Variants in SLC6A20 observed in about 807,000 individuals in gnomAD.
SLC6A20 encodes solute carrier family 6 member 20.
SLC6A20 carries 73 observed loss-of-function variants against 64.3 expected under a neutral mutation model. That is an observed-to-expected ratio of 1.14 (90% CI 0.94 to 1.38). SLC6A20 has a LOEUF of 1.38. SLC6A20 is among the 40% of genes most tolerant of loss of function. SLC6A20 has a pLI of 0.00. For synonymous variants in SLC6A20, 347 were observed against 329.6 expected (o/e 1.05, Z -0.57); for missense variants, 725 against 772.8 (o/e 0.94, Z 0.73).
chr3:45,782,650 TCC>T (rs1700115418), intron 1 of SLC6A20, among the ~76,000 whole-genome samples: 2 of 151,060 alleles, frequency 1.3e-5, no homozygotes, highest in Non-Finnish European at 3.0e-5. Flanking sequence ...CATCCATCCA[TCC>T]ATCCATCCAA....
chr3:45,792,994 G>A lies in SLC6A20; in HGVS notation c.121+3305C>T, dbSNP rs141321149. Among the ~76,000 whole-genome samples the A allele has an allele frequency of 1.5e-3, 223 of 152,328 alleles. 2 individuals are homozygous for A. The highest frequency in any genetic ancestry group is 4.7e-3 in the African/African-American group (194 of 41,568). On this transcript the variant is annotated intron_variant, in intron 1 of 10. Transcript: ENST00000358525. ...AAGAATCCTGTCCTCCCCCACAGGC[G>A]TCTGGATCAGAATCCCTGGAAGTGG...
chr3:45,780,716 G>C (rs1700068143), intron 2 of SLC6A20, among the ~76,000 whole-genome samples: 1 of 109,518 alleles, frequency 9.1e-6, no homozygotes. Flanking sequence ...CAGGGCTCTG[G>C]GGCTGGCCCA....
chr3:45,794,593 C>A (rs185355381), intron 1 of SLC6A20, among the ~76,000 whole-genome samples: 1 of 152,142 alleles, frequency 6.6e-6, no homozygotes, highest in Non-Finnish European at 1.5e-5. Flanking sequence ...CCCTAGCAAC[C>A]CCTTGATACA....
chr3:45,782,174 C>A lies in SLC6A20; in HGVS notation c.171G>T (p.Pro57=), dbSNP rs143569697. Residue 57 remains proline, a synonymous_variant, in exon 2 of 11, where the codon CCG becomes CCT. Coordinates refer to ENST00000358525, the MANE Select transcript of SLC6A20 (RefSeq NM_020208.4). The stretch of plus-strand genomic sequence containing the variant: ...CCACAGCCAGTTCCAGGTACAAGAG[C>A]GGCATTCCCTCCACGATAAGCATGA... ...YIIMLIVEGM[P]LLYLELAVGQ... is the part of the protein sequence containing the mutation. 1.2e-6 allele frequency: 2 copies of A among 1,613,818 alleles called. No homozygotes were observed. Among genetic ancestry groups the A allele is most frequent in the Non-Finnish European group, 1.7e-6 (2 of 1,179,880 alleles).
intron 9 of SLC6A20, among the ~76,000 whole-genome samples, chr3:45,760,223 A>G (rs1188207719): frequency 1.3e-5 from 2 of 152,224 alleles, no homozygotes; most frequent in Non-Finnish European, 2.9e-5. Flanking sequence ...GAGGCTGCCC[A>G]GAAGGGATGA....
chr3:45,774,872 GC>G (rs1262904179), intron 4 of SLC6A20, among the ~76,000 whole-genome samples: 1 of 152,196 alleles, frequency 6.6e-6, no homozygotes, highest in Admixed American at 6.5e-5. Context: ...GTGCCCTTGG[GC>G]AGGTCAATTT....
At chr3:45,791,920 C>T (rs1230767910) in intron 1 of SLC6A20, among the ~76,000 whole-genome samples, 1 of 152,206 alleles carries the variant, frequency 6.6e-6, no homozygotes, top group Non-Finnish European at 1.5e-5. Flanking sequence ...GGACCAAACT[C>T]ATATCAGATG....
intron 3 of SLC6A20, among the ~76,000 whole-genome samples, chr3:45,777,011 A>G (rs1007546501): frequency 1.3e-5 from 2 of 152,118 alleles, no homozygotes; most frequent in Non-Finnish European, 2.9e-5. Flanking sequence ...GGAGGGGAGG[A>G]AAAGTTACTT....
intron 1 of SLC6A20, among the ~76,000 whole-genome samples, chr3:45,782,525 C>T (rs777327771): frequency 6.6e-6 from 1 of 151,992 alleles, no homozygotes; most frequent in Non-Finnish European, 1.5e-5. Flanking sequence ...TCTATCTTTC[C>T]ATCCTTCCAT....
rs1699562584 is a variant in SLC6A20, at chr3:45,757,280, C to T, written c.*1698G>A. The T allele has an allele frequency of 6.6e-6, 1 of 151,840 alleles. No individual in the cohort carries two copies. Among genetic ancestry groups the T allele is most frequent in the Non-Finnish European group, 1.5e-5 (1 of 68,040 alleles). The allele number at this position is 151,840 out of a possible 1,614,324, so 9.4% of individuals were successfully genotyped here. A position where few individuals can be genotyped will look rare whatever the true frequency, so the allele number is the denominator to read the frequency against. On this transcript the variant is annotated 3_prime_UTR_variant, in exon 11 of 11. Transcript: ENST00000358525. ...ACTGCAAAGAGGCCTCCCTCCTTCACTATTCCTCCTCAGCACCGACCCTTT... is the reference window on the plus strand; with the variant it reads ...ACTGCAAAGAGGCCTCCCTCCTTCATTATTCCTCCTCAGCACCGACCCTTT...
chr3:45,779,878 C>T, intron 3 of SLC6A20, 131 bp downstream of exon 3: 1 of 970,808 alleles, frequency 1.0e-6, no homozygotes, highest in Non-Finnish European at 1.5e-6. Flanking sequence ...CCCTCCACCT[C>T]ACACCACCCA....
chr3:45,795,525 C>T (rs965190771), intron 1 of SLC6A20, among the ~76,000 whole-genome samples: 2 of 152,070 alleles, frequency 1.3e-5, no homozygotes, highest in African/African-American at 4.8e-5. Context: ...ATTCTAGAAA[C>T]GAGACAACCG....
chr3:45,767,099 G>A (rs1699790166), intron 7 of SLC6A20, among the ~76,000 whole-genome samples: 1 of 152,144 alleles, frequency 6.6e-6, no homozygotes, highest in South Asian at 2.1e-4. Context: ...GTTGCTCAGG[G>A]GCATACTGAA....
intron 4 of SLC6A20, among the ~76,000 whole-genome samples, chr3:45,773,052 A>G (rs182302620): frequency 4.6e-5 from 7 of 152,344 alleles, no homozygotes; most frequent in Admixed American, 2.0e-4. Context: ...GAATCTGTGC[A>G]TAAGTCTCTA....
Position 45,787,207 on chromosome 3 carries a change from C to T in SLC6A20, c.122-4984G>A, listed in dbSNP as rs145005408. On this transcript the variant is annotated intron_variant, in intron 1 of 10. Coordinates refer to ENST00000358525, the MANE Select transcript of SLC6A20 (RefSeq NM_020208.4). ...AGGGCTCCCACCTTCCCTTCCCTGC[C>T]GCTGGCCTCTCTCCATCCACTGCAG... Among the ~76,000 whole-genome samples the T allele has an allele frequency of 9.8e-5, 15 of 152,288 alleles. No individual in the cohort carries two copies. In the East Asian group the frequency reaches 2.3e-3, roughly 24 times the overall value.
At chr3:45,766,220 C>T (rs891208265) in intron 7 of SLC6A20, among the ~76,000 whole-genome samples, 3 of 152,052 alleles carry the variant, frequency 2.0e-5, no homozygotes, top group African/African-American at 4.8e-5. Flanking sequence ...AACTCTGTTG[C>T]GGAAATGTTA....
At chr3:45,766,567 A>C (rs1699780699) in intron 7 of SLC6A20, among the ~76,000 whole-genome samples, 1 of 152,194 alleles carries the variant, frequency 6.6e-6, no homozygotes, top group African/African-American at 2.4e-5. Flanking sequence ...TGTCCACCTG[A>C]AATTTGTATG....
chr3:45,765,909 A>G lies in SLC6A20; in HGVS notation c.1099-168T>C. ...ACCCCTTACACTCAGCTGGGCTGAAACGAAATGGGAGCTGCCAGGAGCTCA... is the reference window on the plus strand; with the variant it reads ...ACCCCTTACACTCAGCTGGGCTGAAGCGAAATGGGAGCTGCCAGGAGCTCA... On this transcript the variant is annotated intron_variant, in intron 7 of 10. Coordinates refer to ENST00000358525, the MANE Select transcript of SLC6A20 (RefSeq NM_020208.4). The surrounding 1 kb of genome is among the most constrained non-coding windows in gnomAD (Gnocchi z 4.2). 1 of 689,722 alleles carries G rather than the reference A, an allele frequency of 1.4e-6. No individual in the cohort carries two copies. Among genetic ancestry groups the G allele is most frequent in the Non-Finnish European group, 2.4e-6 (1 of 416,612 alleles). 42.7% of individuals were successfully genotyped at this position (689,722 alleles called of 1,614,324 possible).
At chr3:45,783,025 A>T (rs1700122884) in intron 1 of SLC6A20, among the ~76,000 whole-genome samples, 1 of 152,190 alleles carries the variant, frequency 6.6e-6, no homozygotes, top group Admixed American at 6.5e-5. Flanking sequence ...ACCTCTATGC[A>T]CTTCCTTTGG....
Sources: allele counts gnomAD v4.1 joint callset (sites outside exome capture counted in the v4.1 genomes callset), GRCh38; gene constraint gnomAD v4.1.1; non-coding constraint Gnocchi (gnomAD v3.1); transcripts MANE v1.5; gene names NCBI Gene and HGNC (gene_info 2026-07-23, HGNC 2026-07-21).